Variants in NUDCD3 observed in about 807,000 individuals in gnomAD.
NUDCD3 encodes the protein NudC domain containing 3.
A neutral mutation model predicts 39.7 loss-of-function variants in NUDCD3; 13 were observed. The ratio of observed to expected loss-of-function variants is 0.33; its 90% CI spans 0.21 to 0.52. The LOEUF is 0.52. Among genes scored for constraint, NUDCD3 ranks in the 20% least tolerant of loss-of-function variants. NUDCD3 has a pLI of 0.96. For synonymous variants in NUDCD3, 175 were observed against 172.4 expected (o/e 1.02, Z -0.12); for missense variants, 453 against 458.1 (o/e 0.99, Z 0.10).
intron 5 of NUDCD3, 82 bp downstream of exon 5, chr7:44,392,215 C>T: frequency 7.2e-7 from 1 of 1,393,244 alleles, no homozygotes; most frequent in Non-Finnish European, 1.0e-6. Context: ...CCACCGTCAT[C>T]ACCAACCCCT....
intron 2 of NUDCD3, among the ~76,000 whole-genome samples, chr7:44,434,803 G>A (rs563625521): frequency 2.0e-5 from 3 of 152,166 alleles, no homozygotes; most frequent in South Asian, 4.1e-4. Context: ...ACCAGGTAAC[G>A]GTGACTAGGT....
chr7:44,404,644 G>T, intron 3 of NUDCD3, 61 bp from the exon 4 acceptor site: 1 of 1,560,978 alleles, frequency 6.4e-7, no homozygotes, highest in Non-Finnish European at 8.7e-7. Context: ...TGTGCTGTAC[G>T]GTGGGAGTGG....
intron 2 of NUDCD3, among the ~76,000 whole-genome samples, chr7:44,467,394 C>T (rs73107405): frequency 0.03 from 4,542 of 152,294 alleles, 81 homozygotes; most frequent in African/African-American, 0.036. Flanking sequence ...AAGCCATCCT[C>T]TCTCCCTTCC....
chr7:44,433,796 C>T (rs1799415221), intron 2 of NUDCD3, among the ~76,000 whole-genome samples: 1 of 152,176 alleles, frequency 6.6e-6, no homozygotes, highest in Non-Finnish European at 1.5e-5. Flanking sequence ...TTACATTATT[C>T]TCAACAACCT....
intron 2 of NUDCD3, among the ~76,000 whole-genome samples, chr7:44,475,930 TTC>T (rs2116971500): frequency 6.6e-6 from 1 of 152,330 alleles, no homozygotes; most frequent in Non-Finnish European, 1.5e-5. Flanking sequence ...GAAAAGCTTT[TTC>T]TTTTTTAAGA....
chr7:44,469,699 C>G (rs1800211945), intron 2 of NUDCD3, among the ~76,000 whole-genome samples: 1 of 152,044 alleles, frequency 6.6e-6, no homozygotes, highest in African/African-American at 2.4e-5. Flanking sequence ...AGGAATGGGA[C>G]AAATCCTGGC....
At chr7:44,472,402 A>G (rs1800273398) in intron 2 of NUDCD3, among the ~76,000 whole-genome samples, 1 of 152,196 alleles carries the variant, frequency 6.6e-6, no homozygotes, top group Non-Finnish European at 1.5e-5. Context: ...AAAGAACATA[A>G]AGCAAGACTT....
At chr7:44,483,575 C>A (rs962330583) in intron 2 of NUDCD3, among the ~76,000 whole-genome samples, 2 of 152,196 alleles carry the variant, frequency 1.3e-5, no homozygotes, top group Non-Finnish European at 2.9e-5. Context: ...TATTCAAGAG[C>A]TGCTCCCCTT....
intron 2 of NUDCD3, among the ~76,000 whole-genome samples, chr7:44,480,400 A>AT (rs1800463370): frequency 1.3e-5 from 2 of 152,118 alleles, no homozygotes; most frequent in Non-Finnish European, 2.9e-5. Context: ...TACTACTACT[A>AT]TTTTCTTCCA....
chr7:44,386,416 C>T (rs1798404344), intron 5 of NUDCD3, among the ~76,000 whole-genome samples: 1 of 152,204 alleles, frequency 6.6e-6, no homozygotes, highest in African/African-American at 2.4e-5. Context: ...TGTCCCTTTT[C>T]CACCAGGATC....
intron 2 of NUDCD3, among the ~76,000 whole-genome samples, chr7:44,428,805 T>C (rs1254643077): frequency 6.6e-6 from 1 of 152,178 alleles, no homozygotes; most frequent in Non-Finnish European, 1.5e-5. Flanking sequence ...AAGATCTAAA[T>C]TACAGACAAA....
intron 5 of NUDCD3, among the ~76,000 whole-genome samples, chr7:44,387,172 A>ATT (rs1252873849): frequency 6.6e-6 from 1 of 151,880 alleles, no homozygotes; most frequent in East Asian, 1.9e-4. Flanking sequence ...TCCTGTTTTT[A>ATT]TTTTTTACAG....
intron 2 of NUDCD3, among the ~76,000 whole-genome samples, chr7:44,433,777 C>G (rs1018229175): frequency 6.6e-6 from 1 of 152,140 alleles, no homozygotes; most frequent in Non-Finnish European, 1.5e-5. Context: ...TCTTCACATG[C>G]CACTGTGATT....
intron 3 of NUDCD3, among the ~76,000 whole-genome samples, chr7:44,405,974 A>AT (rs1324889799): frequency 6.6e-6 from 1 of 151,916 alleles, no homozygotes; most frequent in Non-Finnish European, 1.5e-5. Flanking sequence ...TTTTATTTTT[A>AT]TTTTTTGTAG....
At chr7:44,389,646 T>C (rs182221780) in intron 5 of NUDCD3, among the ~76,000 whole-genome samples, 1 of 152,272 alleles carries the variant, frequency 6.6e-6, no homozygotes, top group East Asian at 1.9e-4. Context: ...GAAGGTAAGA[T>C]TAAAATGGCT....
intron 3 of NUDCD3, among the ~76,000 whole-genome samples, chr7:44,421,247 T>TCA (rs1399121762): frequency 1.5e-4 from 22 of 148,832 alleles, no homozygotes; most frequent in African/African-American, 5.5e-4. Flanking sequence ...GGCAGGAGAA[T>TCA]CACTTGAACC....
chr7:44,396,819 C>T (rs530520590), intron 4 of NUDCD3, among the ~76,000 whole-genome samples: 1 of 152,232 alleles, frequency 6.6e-6, no homozygotes, highest in Non-Finnish European at 1.5e-5. Context: ...TCTTGCAGGG[C>T]TGTCTTCCGA....
At chr7:44,490,355 G>T in intron 1 of NUDCD3, 54 bp downstream of exon 1, 1 of 1,454,342 alleles carries the variant, frequency 6.9e-7, no homozygotes, top group Non-Finnish European at 9.0e-7. Flanking sequence ...GGCGCCAGGA[G>T]TCAGGGCAGG....
intron 2 of NUDCD3, among the ~76,000 whole-genome samples, chr7:44,458,733 A>C (rs1799948067): frequency 6.6e-6 from 1 of 152,190 alleles, no homozygotes; most frequent in Non-Finnish European, 1.5e-5. Flanking sequence ...AAAGCACTGA[A>C]TTGTACATGT....
Sources: gnomAD v4.1 joint callset for allele counts (sites outside exome capture counted in the v4.1 genomes callset) on GRCh38, gnomAD v4.1.1 for gene constraint, MANE v1.5 for transcripts, NCBI Gene and HGNC (gene_info 2026-07-23, HGNC 2026-07-21) for gene names.